DGKB: variants seen among roughly 807,000 people sequenced by gnomAD.
DGKB encodes the protein 90 kDa diacylglycerol kinase.
DGKB carries 67 observed loss-of-function variants against 114.3 expected under a neutral mutation model. The ratio of observed to expected loss-of-function variants is 0.59; its 90% confidence interval spans 0.48 to 0.72. The LOEUF is 0.72. DGKB is among the 30% of genes least tolerant of loss of function. The pLI is 0.00. For missense variants in DGKB, 907 were observed against 975.2 expected, an observed-to-expected ratio of 0.93 and a Z score of 0.93; for synonymous variants, 398 against 323.1, an observed-to-expected ratio of 1.23 and a Z score of -2.49.
intron 8 of DGKB, among the ~76,000 whole-genome samples, chr7:14,695,573 C>CAT (rs1823714045): frequency 7.5e-6 from 1 of 133,294 alleles, no homozygotes; most frequent in Admixed American, 9.0e-5. Flanking sequence ...AATCTGGGCT[C>CAT]ATAGCAAGCT....
intron 20 of DGKB, among the ~76,000 whole-genome samples, chr7:14,553,484 A>G (rs965111952): frequency 2.6e-5 from 4 of 152,218 alleles, no homozygotes; most frequent in African/African-American, 9.6e-5. Context: ...GAGTGTGTGA[A>G]ATGAAAAAGA....
chr7:14,730,597 G>C (rs1459132367), intron 5 of DGKB, among the ~76,000 whole-genome samples: 1 of 152,162 alleles, frequency 6.6e-6, no homozygotes, highest in African/African-American at 2.4e-5. Flanking sequence ...CAGGGAGATG[G>C]AGCGAATAGG....
intron 23 of DGKB, chr7:14,209,537 C>T (rs1390909578): frequency 4.0e-6 from 2 of 502,214 alleles, no homozygotes; most frequent in Non-Finnish European, 8.2e-6. Flanking sequence ...TTCAGCTGCA[C>T]AGAGCTCCAC....
At chr7:14,918,272 T>G (rs1483296295) in intron 1 of DGKB, among the ~76,000 whole-genome samples, 1 of 151,856 alleles carries the variant, frequency 6.6e-6, no homozygotes, top group Admixed American at 6.6e-5. Context: ...GAAAAGAAAA[T>G]AAAAGGCATT....
At chr7:14,872,854 A>C (rs1852681328) in intron 1 of DGKB, among the ~76,000 whole-genome samples, 1 of 150,508 alleles carries the variant, frequency 6.6e-6, no homozygotes, top group African/African-American at 2.4e-5. Flanking sequence ...ATAAAGCTTT[A>C]ATATTTTCCA....
At chr7:14,855,263 G>A (rs755874653) in intron 1 of DGKB, among the ~76,000 whole-genome samples, 1 of 152,178 alleles carries the variant, frequency 6.6e-6, no homozygotes, top group Admixed American at 6.5e-5. Flanking sequence ...AATCCAGGGA[G>A]AGCCTAAATC....
At chr7:14,630,396 T>C (rs1213285473) in intron 13 of DGKB, 128 bp from the exon 14 acceptor site, 2 of 567,344 alleles carry the variant, frequency 3.5e-6, no homozygotes, top group Middle Eastern at 3.3e-4. Flanking sequence ...TTCCTTGGTA[T>C]AATTTTACTG....
chr7:14,469,307 A>C (rs561084834), intron 21 of DGKB, among the ~76,000 whole-genome samples: 1 of 152,264 alleles, frequency 6.6e-6, no homozygotes, highest in East Asian at 1.9e-4. Flanking sequence ...AAATGTTTGC[A>C]GACAAAGGAA....
At chr7:14,464,687 T>C (rs1161770244) in intron 21 of DGKB, among the ~76,000 whole-genome samples, 3 of 152,196 alleles carry the variant, frequency 2.0e-5, no homozygotes, top group African/African-American at 7.2e-5. Context: ...TATCACATCA[T>C]TAAAAAGTTT....
At chr7:14,571,274 C>G (rs1798340393) in intron 20 of DGKB, among the ~76,000 whole-genome samples, 1 of 152,212 alleles carries the variant, frequency 6.6e-6, no homozygotes, top group South Asian at 2.1e-4. Flanking sequence ...GTAGTTCTAT[C>G]AGAGTGGAAT....
At chr7:14,404,717 T>C (rs1331081364) in intron 21 of DGKB, among the ~76,000 whole-genome samples, 1 of 151,856 alleles carries the variant, frequency 6.6e-6, no homozygotes, top group Non-Finnish European at 1.5e-5. Context: ...CCCTCCTCTA[T>C]ACCAGAAGTG....
chr7:14,680,431 T>C (rs1029131170), intron 12 of DGKB, among the ~76,000 whole-genome samples: 1 of 151,938 alleles, frequency 6.6e-6, no homozygotes, highest in African/African-American at 2.4e-5. Flanking sequence ...GATATCCTTT[T>C]TCCTGTAAAA....
chr7:14,339,056 A>G (rs1811163684), intron 22 of DGKB, among the ~76,000 whole-genome samples: 1 of 152,052 alleles, frequency 6.6e-6, no homozygotes, highest in South Asian at 2.1e-4. Flanking sequence ...AATTCTGGAA[A>G]CTATGGTCAA....
intron 2 of DGKB, among the ~76,000 whole-genome samples, chr7:14,820,544 A>G (rs1586722192): frequency 6.6e-6 from 1 of 152,186 alleles, no homozygotes; most frequent in East Asian, 1.9e-4. Context: ...GTGTTTTACC[A>G]TTTATAGTTT....
At chr7:14,671,706 T>G (rs1269923649) in intron 13 of DGKB, among the ~76,000 whole-genome samples, 1 of 152,110 alleles carries the variant, frequency 6.6e-6, no homozygotes, top group East Asian at 1.9e-4. Context: ...GAAGAAATCA[T>G]AGATCTCATC....
chr7:14,226,255 C>T (rs1023621842), intron 23 of DGKB, among the ~76,000 whole-genome samples: 2 of 151,878 alleles, frequency 1.3e-5, no homozygotes, highest in African/African-American at 4.8e-5. Flanking sequence ...TCCCTAGTTA[C>T]TCATTTTTTT....
At chr7:14,663,071 TG>T (rs1468611032) in intron 13 of DGKB, among the ~76,000 whole-genome samples, 1 of 151,942 alleles carries the variant, frequency 6.6e-6, no homozygotes, top group African/African-American at 2.4e-5. Flanking sequence ...AGGGACAAAA[TG>T]TTAATAGCTC....
chr7:14,742,814 G>C (rs79861865), intron 4 of DGKB, among the ~76,000 whole-genome samples: 4 of 152,282 alleles, frequency 2.6e-5, no homozygotes, highest in Admixed American at 6.5e-5. Flanking sequence ...TGTAAGAAGA[G>C]TAAAATGTGT....
At chr7:14,804,502 A>G (rs533464760) in intron 2 of DGKB, among the ~76,000 whole-genome samples, 13 of 152,174 alleles carry the variant, frequency 8.5e-5, no homozygotes, top group African/African-American at 1.7e-4. Flanking sequence ...TTGTCCATGC[A>G]TGTCTGTCTT....
Sources: gnomAD v4.1 joint callset for allele counts (sites outside exome capture counted in the v4.1 genomes callset) on GRCh38, gnomAD v4.1.1 for gene constraint, MANE v1.5 for transcripts, NCBI Gene and HGNC (gene_info 2026-07-23, HGNC 2026-07-21) for gene names.